EXT2: variants seen among roughly 807,000 people sequenced by gnomAD.
EXT2 encodes exostosin glycosyltransferase 2.
Under a neutral mutation model 81.6 loss-of-function variants are expected in EXT2, and 53 were observed. The observed-to-expected ratio is 0.65, with a 90% CI of 0.52 to 0.82. The LOEUF is 0.82. EXT2 is among the 40% of genes least tolerant of loss of function. The pLI, the probability that EXT2 is intolerant of heterozygous loss-of-function variation, is 0.00. For synonymous variants in EXT2, 320 were observed against 340.0 expected (o/e 0.94, Z 0.65); for missense variants, 774 against 910.2 (o/e 0.85, Z 1.93).
intron 1 of EXT2, chr11:44,096,351 C>G (rs1383677547): frequency 6.6e-7 from 1 of 1,516,588 alleles, no homozygotes; most frequent in Admixed American, 2.0e-5. Context: ...CATGTTATGC[C>G]GGGGACTGGG....
At chr11:44,169,353 C>T (rs901591943) in intron 7 of EXT2, among the ~76,000 whole-genome samples, 2 of 151,928 alleles carry the variant, frequency 1.3e-5, no homozygotes, top group Non-Finnish European at 2.9e-5. Flanking sequence ...ATTATAAAAT[C>T]GTTAGTTTGA....
chr11:44,157,810 A>G (rs983533797), intron 7 of EXT2, among the ~76,000 whole-genome samples: 1 of 152,146 alleles, frequency 6.6e-6, no homozygotes. Flanking sequence ...AGTGGCCACC[A>G]CAGCTGTGAA....
intron 10 of EXT2, among the ~76,000 whole-genome samples, chr11:44,209,137 T>C (rs533814584): frequency 6.6e-6 from 1 of 152,374 alleles, no homozygotes; most frequent in Non-Finnish European, 1.5e-5. Flanking sequence ...ATGAGGTTAT[T>C]ATTTGCATTG....
chr11:44,178,753 CT>C (rs1229971330), intron 8 of EXT2, among the ~76,000 whole-genome samples: 1 of 151,958 alleles, frequency 6.6e-6, no homozygotes, highest in Admixed American at 6.6e-5. Flanking sequence ...CCCAGGAGGC[CT>C]TCTTGGCTTA....
At chr11:44,108,298 T>C in intron 2 of EXT2, 50 bp downstream of exon 2, 2 of 1,582,382 alleles carry the variant, frequency 1.3e-6, no homozygotes. Flanking sequence ...TGAGTGGCCC[T>C]CAGGGAACTA....
rs1449853752 is a variant in EXT2, at chr11:44,107,784, C to T, written c.72C>T (p.Ile24=). 1 of 1,614,188 alleles carries T rather than the reference C, an allele frequency of 6.2e-7. No homozygotes were observed. Among genetic ancestry groups the T allele is most frequent in the Admixed American group, 1.7e-5 (1 of 60,032 alleles). Residue 24 remains isoleucine (I), a synonymous_variant, in exon 2 of 14, where the codon ATC becomes ATT. Coordinates refer to ENST00000533608, the MANE Select transcript of EXT2 (RefSeq NM_207122.2). Reference sequence around the variant, plus strand: ...CAAGAATGAAGACCAAGCACCGAATCTACTATATCACCCTCTTCTCCATTG... The same window carrying T: ...CAAGAATGAAGACCAAGCACCGAATTTACTATATCACCCTCTTCTCCATTG... The part of the protein sequence containing the change: ...LIPRMKTKHR[I]YYITLFSIVL...
chr11:44,149,624 C>G (rs1343714488), intron 7 of EXT2, among the ~76,000 whole-genome samples: 1 of 152,156 alleles, frequency 6.6e-6, no homozygotes, highest in Admixed American at 6.5e-5. Flanking sequence ...TCCTGGACTT[C>G]ATCATTTAGA....
chr11:44,210,896 A>G (rs1955640051), intron 10 of EXT2, among the ~76,000 whole-genome samples: 1 of 152,216 alleles, frequency 6.6e-6, no homozygotes, highest in South Asian at 2.1e-4. Flanking sequence ...CCCAAATTGT[A>G]TAGATTCAAA....
At chr11:44,178,126 A>T (rs1383964381) in intron 8 of EXT2, among the ~76,000 whole-genome samples, 1 of 152,226 alleles carries the variant, frequency 6.6e-6, no homozygotes, top group Admixed American at 6.5e-5. Flanking sequence ...GGGGATCAGA[A>T]ATCACAGCTG....
rs749333139 is a variant in EXT2 at position 44,247,850 on chromosome 11, CG to C, written c.*3564del. ...GCACCATGCCAGGAGGAAACTAGAG[CG>C]TCTTTATCACTGAAAGATAGCACGT... On this transcript the variant is annotated 3_prime_UTR_variant, in exon 14 of 14. Coordinates refer to ENST00000533608, the MANE Select transcript of EXT2 (RefSeq NM_207122.2). 6.6e-6 allele frequency among the ~76,000 whole-genome samples: 1 copy of C among 152,220 alleles called. No homozygotes were observed. Among genetic ancestry groups the C allele is most frequent in the Non-Finnish European group, 1.5e-5 (1 of 68,042 alleles).
intron 7 of EXT2, among the ~76,000 whole-genome samples, chr11:44,137,317 A>G (rs1463595937): frequency 6.6e-6 from 1 of 152,216 alleles, no homozygotes; most frequent in Non-Finnish European, 1.5e-5. Flanking sequence ...GTTGTTTTGT[A>G]TAGCTTCTGA....
At chr11:44,125,642 C>G (rs986833755) in intron 5 of EXT2, among the ~76,000 whole-genome samples, 20 of 151,382 alleles carry the variant, frequency 1.3e-4, no homozygotes, top group Middle Eastern at 3.2e-3. Flanking sequence ...AAAATGGACA[C>G]AGGTTAGCTC....
intron 1 of EXT2, among the ~76,000 whole-genome samples, chr11:44,105,026 A>AT (rs1954035476): frequency 6.6e-6 from 1 of 152,154 alleles, no homozygotes. Context: ...TCTTAGAGAG[A>AT]TATGACTTGA....
chr11:44,181,618 G>A lies in EXT2; in HGVS notation c.1305+9876G>A, dbSNP rs557620447. Reference sequence around the variant, plus strand: ...CCTTTCTTTTGATTTTTAATATTTTGTTTACTTTTAAAATCTGAGAGTTTT... The same window carrying A: ...CCTTTCTTTTGATTTTTAATATTTTATTTACTTTTAAAATCTGAGAGTTTT... On this transcript the variant is annotated intron_variant, in intron 8 of 13. Coordinates refer to ENST00000533608, the MANE Select transcript of EXT2 (RefSeq NM_207122.2). Among the ~76,000 whole-genome samples, 6 of 151,810 alleles carry A rather than the reference G, an allele frequency of 4.0e-5. No homozygotes were observed. The East Asian group carries it at 1.2e-3, about 29-fold the overall frequency.
chr11:44,236,492 C>T, intron 13 of EXT2, 117 bp downstream of exon 13: 2 of 905,908 alleles, frequency 2.2e-6, no homozygotes, highest in East Asian at 2.6e-5. Context: ...CCATAGTCAC[C>T]TCCATGTGCA....
At chr11:44,165,387 G>A (rs1455212065) in intron 7 of EXT2, among the ~76,000 whole-genome samples, 4 of 152,190 alleles carry the variant, frequency 2.6e-5, no homozygotes, top group Non-Finnish European at 5.9e-5. Context: ...ACATTTCAAG[G>A]TATTACAGAA....
chr11:44,211,053 T>A (rs1304996911), intron 10 of EXT2, among the ~76,000 whole-genome samples: 1 of 152,224 alleles, frequency 6.6e-6, no homozygotes, highest in Non-Finnish European at 1.5e-5. Context: ...ATTTTCAAAC[T>A]TGCTATAAAG....
At position 44,250,142 on chromosome 11, in the gene EXT2, C is replaced by T. The variant is rs1332341834; in HGVS notation, c.*5855C>T. 6.6e-6 allele frequency among the ~76,000 whole-genome samples: 1 copy of T among 152,218 alleles called. No homozygotes were observed. Among genetic ancestry groups the T allele is most frequent in the Non-Finnish European group, 1.5e-5 (1 of 68,032 alleles). On this transcript the variant is annotated 3_prime_UTR_variant, in exon 14 of 14. Coordinates refer to ENST00000533608, the MANE Select transcript of EXT2 (RefSeq NM_207122.2). ...ATATAGCAATTAGAGTTGACTAAGACAGTGTCCCTATCCTGTTCTTGAGCT... is the reference window on the plus strand; with the variant it reads ...ATATAGCAATTAGAGTTGACTAAGATAGTGTCCCTATCCTGTTCTTGAGCT...
At chr11:44,100,188 A>T (rs2134945637) in intron 1 of EXT2, among the ~76,000 whole-genome samples, 1 of 151,946 alleles carries the variant, frequency 6.6e-6, no homozygotes, top group East Asian at 1.9e-4. Flanking sequence ...TTACTTCCAC[A>T]CTCTGGCTTT....
Sources: gnomAD v4.1 joint callset for allele counts (sites outside exome capture counted in the v4.1 genomes callset) on GRCh38, gnomAD v4.1.1 for gene constraint, MANE v1.5 for transcripts, NCBI Gene and HGNC (gene_info 2026-07-23, HGNC 2026-07-21) for gene names.